The following FREM2 variants were observed in gnomAD, a reference collection of about 807,000 sequenced individuals.
FREM2 encodes the protein FRAS1 related extracellular matrix 2.
Under a neutral mutation model 219.9 loss-of-function variants are expected in FREM2, and 119 were observed. That is an observed-to-expected ratio of 0.54 (90% CI 0.47 to 0.63). The LOEUF (loss-of-function observed/expected upper bound fraction) is 0.63, where lower values mean the gene tolerates loss of function less well. FREM2 is among the 30% of genes least tolerant of loss of function. The pLI is 0.00. For synonymous variants in FREM2, 1,562 were observed against 1,522.8 expected, an observed-to-expected ratio of 1.03 and a Z score of -0.60; for missense variants, 4,030 against 3,993.6, an observed-to-expected ratio of 1.01 and a Z score of -0.25.
intron 6 of FREM2, among the ~76,000 whole-genome samples, chr13:38,799,128 C>T (rs1397145822): frequency 6.6e-6 from 1 of 151,900 alleles, no homozygotes; most frequent in Non-Finnish European, 1.5e-5. Flanking sequence ...ATAAACTTCC[C>T]TCTTAGAGCT....
intron 6 of FREM2, among the ~76,000 whole-genome samples, chr13:38,811,308 T>A (rs1303219142): frequency 6.6e-6 from 1 of 152,098 alleles, no homozygotes; most frequent in Non-Finnish European, 1.5e-5. Context: ...AATTCATTTA[T>A]TTCTGCTCTG....
intron 16 of FREM2, among the ~76,000 whole-genome samples, chr13:38,869,305 G>T (rs1355647594): frequency 1.3e-5 from 2 of 152,172 alleles, no homozygotes; most frequent in African/African-American, 4.8e-5. Flanking sequence ...TTAGTTAACA[G>T]GATAGTTATC....
chr13:38,879,836 T>G (rs1878478225), intron 23 of FREM2, among the ~76,000 whole-genome samples: 1 of 151,442 alleles, frequency 6.6e-6, no homozygotes, highest in Non-Finnish European at 1.5e-5. Context: ...GAAAATTGAT[T>G]TTTTCCCCCT....
At chr13:38,851,957 C>A (rs1877388267) in intron 11 of FREM2, 89 bp downstream of exon 11, 2 of 1,227,436 alleles carry the variant, frequency 1.6e-6, no homozygotes, top group Admixed American at 1.8e-5. Flanking sequence ...AGGGAAACAT[C>A]CAATTGAAAT....
At chr13:38,817,840 G>A (rs1304964208) in intron 6 of FREM2, among the ~76,000 whole-genome samples, 1 of 151,886 alleles carries the variant, frequency 6.6e-6, no homozygotes, top group Non-Finnish European at 1.5e-5. Context: ...GAATATATAA[G>A]GGACATAATA....
rs1291122283 is a variant in FREM2, at chr13:38,688,081, G to T, written c.737G>T (p.Gly246Val). The T allele has an allele frequency of 6.2e-7, 1 of 1,608,950 alleles. No individual in the cohort carries two copies. Among genetic ancestry groups the T allele is most frequent in the East Asian group, 2.2e-5 (1 of 44,710 alleles). The change falls in exon 1 of 24, where the codon GGA becomes GTA. Residue 246 changes from glycine (G) to valine (V), a missense_variant. Coordinates refer to ENST00000280481, the MANE Select transcript of FREM2 (RefSeq NM_207361.6). ...CAGGTCCCTGGAGGAGCCAGAGAGG[G>T]AGGCGCCCCGGAGACTCTCCTGATG... Reference protein sequence around the residue: ...YPQVPGGAREGGAPETLLMDC... With the variant: ...YPQVPGGAREVGAPETLLMDC...
At chr13:38,807,291 T>TCTCAAA (rs969299726) in intron 6 of FREM2, among the ~76,000 whole-genome samples, 1 of 143,222 alleles carries the variant, frequency 7.0e-6, no homozygotes, top group Non-Finnish European at 1.5e-5. Flanking sequence ...CCCAGGCTGG[T>TCTCAAA]CTCAAACTCC....
intron 2 of FREM2, among the ~76,000 whole-genome samples, chr13:38,742,606 G>C (rs183721694): frequency 1.5e-4 from 23 of 152,156 alleles, no homozygotes; most frequent in Non-Finnish European, 3.1e-4. Flanking sequence ...CATTGCATTT[G>C]CCCTGTTTCC....
intron 6 of FREM2, among the ~76,000 whole-genome samples, chr13:38,840,644 A>ATATGTG (rs1184958401): frequency 6.7e-5 from 9 of 134,268 alleles, no homozygotes; most frequent in South Asian, 2.3e-4. Context: ...ATATATATAT[A>ATATGTG]TGTGTATGTA....
intron 6 of FREM2, among the ~76,000 whole-genome samples, chr13:38,812,746 G>A (rs1051529556): frequency 6.6e-5 from 10 of 151,954 alleles, no homozygotes; most frequent in African/African-American, 2.4e-4. Context: ...AGCCAGGTGT[G>A]GTGGTGTGTA....
chr13:38,766,032 G>A (rs564206874), intron 3 of FREM2, among the ~76,000 whole-genome samples: 1 of 152,128 alleles, frequency 6.6e-6, no homozygotes, highest in African/African-American at 2.4e-5. Context: ...AAATCATGGG[G>A]AAAATGATAA....
chr13:38,700,563 T>C lies in FREM2; in HGVS notation c.5263+2776T>C, dbSNP rs1167072023. On this transcript the variant is annotated intron_variant, in intron 2 of 23. Transcript: ENST00000280481. Reference sequence around the variant, plus strand: ...ACCTTCTATGTTATTTATTGTTTCTTATGCGATTTTACCTTCATAACATCT... The same window carrying C: ...ACCTTCTATGTTATTTATTGTTTCTCATGCGATTTTACCTTCATAACATCT... 2.0e-5 allele frequency among the ~76,000 whole-genome samples: 3 copies of C among 152,098 alleles called. No homozygotes were observed. In the East Asian group the frequency reaches 5.8e-4, roughly 29 times the overall value.
At chr13:38,699,819 A>C (rs966117853) in intron 2 of FREM2, among the ~76,000 whole-genome samples, 1 of 152,114 alleles carries the variant, frequency 6.6e-6, no homozygotes, top group Non-Finnish European at 1.5e-5. Context: ...GGATTTTTGC[A>C]TTGCCGTATA....
At chr13:38,856,079 T>C in intron 11 of FREM2, 47 bp from the exon 12 acceptor site, 3 of 1,102,186 alleles carry the variant, frequency 2.7e-6, no homozygotes, top group Non-Finnish European at 4.1e-6. Flanking sequence ...AGAAAACTTC[T>C]CATATTCATA....
At chr13:38,694,785 A>G (rs934898312) in intron 1 of FREM2, among the ~76,000 whole-genome samples, 6 of 152,202 alleles carry the variant, frequency 3.9e-5, no homozygotes, top group African/African-American at 1.4e-4. Context: ...ATTTATTTCA[A>G]ACTTCACCTC....
At chr13:38,847,104 C>G (rs1877186269) in intron 7 of FREM2, among the ~76,000 whole-genome samples, 1 of 152,102 alleles carries the variant, frequency 6.6e-6, no homozygotes, top group South Asian at 2.1e-4. Flanking sequence ...AGGTATTATG[C>G]AGGCATGTGT....
At chr13:38,812,916 CAAAA>C (rs370609021) in intron 6 of FREM2, among the ~76,000 whole-genome samples, 36 of 137,810 alleles carry the variant, frequency 2.6e-4, no homozygotes, top group Non-Finnish European at 5.6e-4. Context: ...GAAAAACAAG[CAAAA>C]AAAAAAAACC....
chr13:38,789,576 A>G (rs897791268), intron 6 of FREM2, among the ~76,000 whole-genome samples: 2 of 150,886 alleles, frequency 1.3e-5, no homozygotes, highest in African/African-American at 4.8e-5. Flanking sequence ...AAGAATAGAA[A>G]TTTTTGGAAA....
chr13:38,820,985 A>G (rs892158538), intron 6 of FREM2, among the ~76,000 whole-genome samples: 2 of 152,164 alleles, frequency 1.3e-5, no homozygotes, highest in Admixed American at 1.3e-4. Context: ...TTTGTAATAG[A>G]TGTACTATTT....
Sources: allele counts gnomAD v4.1 joint callset (sites outside exome capture counted in the v4.1 genomes callset), GRCh38; gene constraint gnomAD v4.1.1; transcripts MANE v1.5; gene names NCBI Gene and HGNC (gene_info 2026-07-23, HGNC 2026-07-21).